CDH4: variants seen among roughly 807,000 people sequenced by gnomAD.
CDH4 encodes the protein cadherin 4.
CDH4 carries 33 observed loss-of-function variants against 86.0 expected under a neutral mutation model. The ratio of observed to expected loss-of-function variants is 0.38; its 90% CI spans 0.29 to 0.51. The LOEUF is 0.51. Among genes scored for constraint, CDH4 ranks in the 20% least tolerant of loss-of-function variants. CDH4 has a pLI of 0.86. For missense variants in CDH4, 1,114 were observed against 1,307.4 expected (o/e 0.85, Z 2.28); for synonymous variants, 555 against 549.4 (o/e 1.01, Z -0.14).
chr20:61,838,821 C>CT (rs1470338800), intron 4 of CDH4, among the ~76,000 whole-genome samples: 2 of 35,088 alleles, frequency 5.7e-5, no homozygotes, highest in East Asian at 1.1e-3. Flanking sequence ...AAGACCCTGT[C>CT]TAAAAAAAAA....
rs564175071 is a variant in CDH4 at position 61,909,959 on chromosome 20, C to T, written c.1189-463C>T. Among the ~76,000 whole-genome samples, 327 of 152,380 alleles carry T rather than the reference C, an allele frequency of 2.1e-3. 3 individuals carry two copies. Among genetic ancestry groups the T allele is most frequent in the Non-Finnish European group, 1.6e-3 (112 of 68,034 alleles). On this transcript the variant is annotated intron_variant, in intron 8 of 15. Coordinates refer to ENST00000614565, the MANE Select transcript of CDH4 (RefSeq NM_001794.5). ...AGCCGCTCCATCAGTGGCCCTCTGCCGTGGCTGCAGGGCTGACGCACCTGC... is the reference window on the plus strand; with the variant it reads ...AGCCGCTCCATCAGTGGCCCTCTGCTGTGGCTGCAGGGCTGACGCACCTGC...
At chr20:61,463,196 G>A (rs1568854096) in intron 2 of CDH4, among the ~76,000 whole-genome samples, 1 of 152,168 alleles carries the variant, frequency 6.6e-6, no homozygotes, top group Non-Finnish European at 1.5e-5. Context: ...ACGTGGAACT[G>A]TGAGTCCATT....
intron 4 of CDH4, among the ~76,000 whole-genome samples, chr20:61,819,821 T>C (rs1653889853): frequency 6.6e-6 from 1 of 152,174 alleles, no homozygotes; most frequent in African/African-American, 2.4e-5. Flanking sequence ...ATGAAATGCA[T>C]ATTCATTTAG....
rs115327266 is a variant in CDH4 at position 61,764,916 on chromosome 20, A to G, written c.397-8087A>G. ...GCTTCTGCTGCTGCCGCCTCCGTAA[A>G]TCACCATCTTACAGTAGGATCAGCA... On this transcript the variant is annotated intron_variant, in intron 3 of 15. Coordinates refer to ENST00000614565, the MANE Select transcript of CDH4 (RefSeq NM_001794.5). Among the ~76,000 whole-genome samples, 605 of 152,328 alleles carry G rather than the reference A, an allele frequency of 4.0e-3. 1 individual carries two copies. Among genetic ancestry groups the G allele is most frequent in the African/African-American group, 0.014 (579 of 41,584 alleles).
rs1243038165 is a variant in CDH4 at position 61,937,290 on chromosome 20, C to T, written c.*347C>T. ...AGAAAGTGCCTTTTGGTACATGTAT[C>T]AGATTCCCTCAAACTCAGGAGTGTC... is the stretch of plus-strand genomic sequence containing the variant. On this transcript the variant is annotated 3_prime_UTR_variant, in exon 16 of 16. Coordinates refer to ENST00000614565, the MANE Select transcript of CDH4 (RefSeq NM_001794.5). 2 of 165,986 alleles carry T rather than the reference C, an allele frequency of 1.2e-5. No homozygotes were observed. Among genetic ancestry groups the T allele is most frequent in the East Asian group, 3.4e-4 (2 of 5,850 alleles). The allele number at this position is 165,986 out of a possible 1,614,324, so 10.3% of individuals were successfully genotyped here.
chr20:61,604,295 C>T (rs73611547), intron 2 of CDH4, among the ~76,000 whole-genome samples: 6,716 of 152,332 alleles, frequency 0.044, 278 homozygotes, highest in East Asian at 0.16. Flanking sequence ...ATAGTATCTG[C>T]CCTGGCGGCA....
At chr20:61,926,157 A>G (rs899012440) in intron 11 of CDH4, among the ~76,000 whole-genome samples, 1 of 152,220 alleles carries the variant, frequency 6.6e-6, no homozygotes, top group African/African-American at 2.4e-5. Context: ...AAAACAAAAC[A>G]GGCGGCTGGG....
At chr20:61,677,952 T>C (rs948359077) in intron 2 of CDH4, among the ~76,000 whole-genome samples, 3 of 151,962 alleles carry the variant, frequency 2.0e-5, no homozygotes, top group African/African-American at 7.3e-5. Flanking sequence ...GAGGAATGGA[T>C]GATAGATAAT....
chr20:61,858,189 GTGTGTCTC>G (rs1367401919), intron 6 of CDH4, among the ~76,000 whole-genome samples: 2 of 149,926 alleles, frequency 1.3e-5, no homozygotes, highest in African/African-American at 2.5e-5. Flanking sequence ...GTGTCTCTGT[GTGTGTCTC>G]TGTGTCTATA....
chr20:61,784,546 T>C (rs532723485), intron 4 of CDH4, among the ~76,000 whole-genome samples: 2 of 105,588 alleles, frequency 1.9e-5, no homozygotes, highest in Non-Finnish European at 3.8e-5. Flanking sequence ...GGCCCTCAGG[T>C]GTCTTGTGCC....
At chr20:61,773,742 A>G (rs947050869) in intron 4 of CDH4, among the ~76,000 whole-genome samples, 1 of 152,246 alleles carries the variant, frequency 6.6e-6, no homozygotes, top group African/African-American at 2.4e-5. Flanking sequence ...ATTGCAGCCC[A>G]ATCTGAGCAA....
At chr20:61,529,687 G>A (rs1276030314) in intron 2 of CDH4, among the ~76,000 whole-genome samples, 3 of 152,136 alleles carry the variant, frequency 2.0e-5, no homozygotes, top group South Asian at 2.1e-4. Context: ...CATGGTGAGC[G>A]AGGGCCTTGA....
chr20:61,292,278 T>C (rs75447448), intron 2 of CDH4, among the ~76,000 whole-genome samples: 6,211 of 152,314 alleles, frequency 0.041, 188 homozygotes, highest in Non-Finnish European at 0.061. Context: ...GTGGTAGATA[T>C]ACACCATGGA....
chr20:61,887,264 CG>C (rs1984588316), intron 7 of CDH4, among the ~76,000 whole-genome samples: 1 of 152,182 alleles, frequency 6.6e-6, no homozygotes, highest in Admixed American at 6.5e-5. Context: ...TGGCTGCTTC[CG>C]GGGGTCCCCT....
intron 2 of CDH4, among the ~76,000 whole-genome samples, chr20:61,485,976 C>T (rs1364271401): frequency 1.3e-5 from 2 of 152,234 alleles, no homozygotes; most frequent in Non-Finnish European, 2.9e-5. Context: ...CTGATGAGTG[C>T]ATCAGCTCCA....
chr20:61,886,977 T>A (rs551924482), intron 7 of CDH4, among the ~76,000 whole-genome samples: 11 of 152,222 alleles, frequency 7.2e-5, no homozygotes, highest in African/African-American at 2.6e-4. Context: ...GCCTTTTAGA[T>A]AAATGTGTCG....
chr20:61,360,304 C>T (rs141332534), intron 2 of CDH4, among the ~76,000 whole-genome samples: 10 of 152,296 alleles, frequency 6.6e-5, no homozygotes, highest in Non-Finnish European at 1.5e-4. Context: ...CCAGGTGAGA[C>T]GTGGGAGAGA....
chr20:61,816,709 T>C (rs1980733886), intron 4 of CDH4, among the ~76,000 whole-genome samples: 1 of 149,708 alleles, frequency 6.7e-6, no homozygotes, highest in African/African-American at 2.4e-5. Context: ...GGTTTGTGGG[T>C]TTGCCAAGGG....
chr20:61,914,010 T>C (rs1222536209), intron 9 of CDH4, among the ~76,000 whole-genome samples: 1 of 152,212 alleles, frequency 6.6e-6, no homozygotes, highest in Non-Finnish European at 1.5e-5. Flanking sequence ...GAAGCATGTC[T>C]ACAGAACGCT....
Sources: gnomAD v4.1 joint callset for allele counts (sites outside exome capture counted in the v4.1 genomes callset) on GRCh38, gnomAD v4.1.1 for gene constraint, MANE v1.5 for transcripts, NCBI Gene and HGNC (gene_info 2026-07-23, HGNC 2026-07-21) for gene names.